Variants in SLCO4A1 observed in about 807,000 individuals in gnomAD.
The protein encoded by SLCO4A1 is colon organic anion transporter.
Under a neutral mutation model 64.6 loss-of-function variants are expected in SLCO4A1, and 51 were observed. The observed-to-expected ratio is 0.79, with a 90% CI of 0.63 to 1.00. The LOEUF (loss-of-function observed/expected upper bound fraction) is 1.00, where lower values mean the gene tolerates loss of function less well. SLCO4A1 is among the 50% of genes least tolerant of loss of function. The pLI is 0.00. For missense variants in SLCO4A1, 919 were observed against 980.5 expected (o/e 0.94, Z 0.84); for synonymous variants, 471 against 444.9 (o/e 1.06, Z -0.74).
rs747677854 is a variant in SLCO4A1 at position 62,643,006 on chromosome 20, T to C, written c.-97+453T>C. ...TCCGCGGAGCTCCAGAGTTGCGGAG[T>C]CACCCACCTGCGGCGGCCGCTGCTG... On this transcript the variant is annotated intron_variant, in intron 1 of 11. Coordinates refer to ENST00000217159, the MANE Select transcript of SLCO4A1 (RefSeq NM_016354.4). The C allele has an allele frequency of 3.0e-5, 14 of 469,744 alleles. 1 individual carries two copies. The highest frequency in any genetic ancestry group is 2.2e-4 in the South Asian group (14 of 64,528). 29.1% of individuals were successfully genotyped at this position (469,744 alleles called of 1,614,324 possible).
At chr20:62,655,211 G>A (rs1248581794) in intron 1 of SLCO4A1, among the ~76,000 whole-genome samples, 3 of 151,486 alleles carry the variant, frequency 2.0e-5, no homozygotes, top group Non-Finnish European at 4.4e-5. Flanking sequence ...GGCGGCACAG[G>A]TGTTCTGTAT....
chr20:62,662,855 C>G (rs1011981144), intron 5 of SLCO4A1, among the ~76,000 whole-genome samples: 4 of 2,430 alleles, frequency 1.6e-3, no homozygotes, highest in Non-Finnish European at 4.2e-3. Context: ...CACGCCGGGA[C>G]CCCCCCCAGG....
At chr20:62,683,117 T>A (rs1006538345) in intron 2 of SLCO4A1, among the ~76,000 whole-genome samples, 8 of 152,270 alleles carry the variant, frequency 5.3e-5, no homozygotes, top group African/African-American at 1.9e-4. Context: ...AGATTGATTT[T>A]AATCGGCAGC....
intron 2 of SLCO4A1, among the ~76,000 whole-genome samples, chr20:62,683,848 T>A (rs1600701297): frequency 1.3e-5 from 2 of 152,190 alleles, no homozygotes; most frequent in Non-Finnish European, 2.9e-5. Context: ...CAAGATCACG[T>A]GACCACACGC....
chr20:62,688,130 A>C (rs1040765095), downstream of SLCO4A1, among the ~76,000 whole-genome samples: 4 of 152,010 alleles, frequency 2.6e-5, no homozygotes, highest in African/African-American at 9.7e-5. Context: ...ACACACACAC[A>C]CACGTGCACA....
chr20:62,673,799 C>CA (rs1366829786), downstream of SLCO4A1, among the ~76,000 whole-genome samples: 1 of 152,236 alleles, frequency 6.6e-6, no homozygotes, highest in Non-Finnish European at 1.5e-5. Flanking sequence ...GGACTGCAGA[C>CA]ACATCAGAGA....
chr20:62,669,984 G>C (rs1434562384), intron 11 of SLCO4A1: 1 of 152,266 alleles, frequency 6.6e-6, no homozygotes, highest in African/African-American at 2.4e-5. Flanking sequence ...CAGTCTGAAT[G>C]TATTAAATAG....
In SLCO4A1 at chr20:62,642,802, C is replaced by T. The variant is rs1382378235; in HGVS notation, c.-97+249C>T. On this transcript the variant is annotated intron_variant, in intron 1 of 11. Coordinates refer to ENST00000217159, the MANE Select transcript of SLCO4A1 (RefSeq NM_016354.4). ...GCGCAGGTAGGAGCTCCCGAGTCGC[C>T]CGCAGGAGGACCGAGGCGAAGGGGC... is the stretch of plus-strand genomic sequence containing the variant. 4.6e-5 allele frequency among the ~76,000 whole-genome samples: 7 copies of T among 152,290 alleles called. No individual in the cohort carries two copies. In the East Asian group the frequency reaches 1.4e-3, roughly 29 times the overall value.
chr20:62,660,606 G>A (rs968417899), intron 4 of SLCO4A1, 73 bp downstream of exon 4: 39 of 1,513,838 alleles, frequency 2.6e-5, no homozygotes, highest in Admixed American at 3.4e-5. Flanking sequence ...GGGGCACCCC[G>A]TTTCCTCTGC....
Position 62,656,578 on chromosome 20 carries a change from G to C in SLCO4A1, c.124G>C (p.Gly42Arg). The change falls in exon 2 of 12, where the codon GGC becomes CGC. Residue 42 changes from glycine to arginine, a missense_variant. By Grantham distance (125) the Gly-to-Arg change is moderately radical. Transcript: ENST00000217159. ...RASPGTPLSP[G>R]SLRSAAHSPL... ...ATCCCCGGGCACACCCCTGAGCCCC[G>C]GCTCCCTCCGCTCCGCTGCCCATAG... 6.3e-7 allele frequency: 1 copy of C among 1,589,832 alleles called. No homozygotes were observed. The highest frequency in any genetic ancestry group is 8.5e-7 in the Non-Finnish European group (1 of 1,172,034).
rs986360358 is a variant in SLCO4A1 at position 62,661,847 on chromosome 20, C to CT, written c.1121+672_1121+673insT. 1.3e-5 allele frequency among the ~76,000 whole-genome samples: 2 copies of CT among 151,888 alleles called. No homozygotes were observed. Among genetic ancestry groups the CT allele is most frequent in the African/African-American group, 4.8e-5 (2 of 41,342 alleles). ...CTAGGGTGAACCCGGGGCCCTGAGC[C>CT]GGTGGGGTCCTAGAGGGACAACAGA... On this transcript the variant is annotated intron_variant, in intron 5 of 11. Transcript: ENST00000217159. This position sits in a 1 kb window ranked among gnomAD's most constrained non-coding sequence, Gnocchi z 5.2.
intron 11 of SLCO4A1, among the ~76,000 whole-genome samples, chr20:62,671,278 G>T (rs938871652): frequency 6.6e-6 from 1 of 152,224 alleles, no homozygotes; most frequent in Non-Finnish European, 1.5e-5. Flanking sequence ...TGGGGGCAGG[G>T]CGGGCTCCTT....
At chr20:62,687,004 AC>A (rs1252916112), downstream of SLCO4A1, among the ~76,000 whole-genome samples, 1 of 143,010 alleles carries the variant, frequency 7.0e-6, no homozygotes, top group African/African-American at 2.7e-5. Context: ...TGGGAAGGGC[AC>A]CCCCAAACAG....
At chr20:62,652,594 G>T (rs1388887238) in intron 1 of SLCO4A1, among the ~76,000 whole-genome samples, 1 of 152,226 alleles carries the variant, frequency 6.6e-6, no homozygotes, top group Non-Finnish European at 1.5e-5. Flanking sequence ...GGCCGTGGGT[G>T]GCTCTCTGCC....
intron 1 of SLCO4A1, among the ~76,000 whole-genome samples, chr20:62,648,267 C>T (rs112701295): frequency 2.6e-5 from 4 of 152,206 alleles, no homozygotes; most frequent in African/African-American, 7.2e-5. Context: ...ACCGGAGGGG[C>T]GGGGTGGTTT....
intron 1 of SLCO4A1, chr20:62,642,868 G>T (rs1009247985): frequency 1.7e-5 from 6 of 343,360 alleles, no homozygotes; most frequent in Admixed American, 3.9e-5. Flanking sequence ...GGGTGAGCAG[G>T]GGCTGCGGCC....
intron 5 of SLCO4A1, among the ~76,000 whole-genome samples, chr20:62,662,542 G>A (rs146744957): frequency 6.6e-6 from 1 of 152,356 alleles, no homozygotes; most frequent in African/African-American, 2.4e-5. Flanking sequence ...CATGGGACAT[G>A]TTCCCTTTAT....
At chr20:62,682,534 C>T (rs1241248770) in intron 2 of SLCO4A1, among the ~76,000 whole-genome samples, 1 of 152,176 alleles carries the variant, frequency 6.6e-6, no homozygotes, top group East Asian at 1.9e-4. Context: ...GACTGAGGCT[C>T]TCCACTCAGG....
At chr20:62,683,173 C>T (rs1375985604) in intron 2 of SLCO4A1, among the ~76,000 whole-genome samples, 1 of 152,238 alleles carries the variant, frequency 6.6e-6, no homozygotes, top group Non-Finnish European at 1.5e-5. Context: ...CTGTGATGTG[C>T]GTAATCCATT....
Sources: allele counts gnomAD v4.1 joint callset (sites outside exome capture counted in the v4.1 genomes callset), GRCh38; gene constraint gnomAD v4.1.1; non-coding constraint Gnocchi (gnomAD v3.1); transcripts MANE v1.5; gene names NCBI Gene and HGNC (gene_info 2026-07-23, HGNC 2026-07-21).